DUSP10: variants seen among roughly 807,000 people sequenced by gnomAD.
DUSP10 encodes the protein dual specificity phosphatase 10.
In DUSP10, 14 loss-of-function variants were observed where a neutral mutation model predicts 30.8. The observed-to-expected ratio is 0.46, with a 90% confidence interval of 0.30 to 0.71. DUSP10 has a LOEUF of 0.71. Ranked by LOEUF, DUSP10 falls within the 30% of genes least tolerant of loss-of-function variation. DUSP10 has a pLI of 0.08. For missense variants in DUSP10, 550 were observed against 619.4 expected (o/e 0.89, Z 1.19); for synonymous variants, 254 against 250.4 (o/e 1.01, Z -0.14).
At chr1:221,730,934 A>G (rs569481416) in intron 2 of DUSP10, among the ~76,000 whole-genome samples, 2 of 152,292 alleles carry the variant, frequency 1.3e-5, no homozygotes, top group African/African-American at 4.8e-5. Context: ...TGGGTTATGG[A>G]TGAAAACATC....
intron 2 of DUSP10, among the ~76,000 whole-genome samples, chr1:221,712,777 CAAAAAAAAA>C (rs58249338): frequency 1.4e-4 from 8 of 56,926 alleles, no homozygotes; most frequent in East Asian, 5.0e-4. Context: ...TATAAAGCAG[CAAAAAAAAA>C]AAAAAAAAAA....
At position 221,718,448 on chromosome 1, in the gene DUSP10, G is replaced by A. The variant is rs574241415; in HGVS notation, c.812-11982C>T. On this transcript the variant is annotated intron_variant, in intron 2 of 3. Transcript: ENST00000366899. ...TTAATACTGGTTAATCCATCAAGACGGATTAAAGGAGGGGGAAAAATCCAT... is the reference window on the plus strand; with the variant it reads ...TTAATACTGGTTAATCCATCAAGACAGATTAAAGGAGGGGGAAAAATCCAT... Among the ~76,000 whole-genome samples the A allele has an allele frequency of 3.7e-3, 558 of 152,128 alleles. 1 individual carries two copies. The highest frequency in any genetic ancestry group is 0.013 in the African/African-American group (541 of 41,464).
At chr1:221,721,733 G>A (rs936188625) in intron 2 of DUSP10, among the ~76,000 whole-genome samples, 1 of 152,170 alleles carries the variant, frequency 6.6e-6, no homozygotes, top group African/African-American at 2.4e-5. Flanking sequence ...GAGATGCATG[G>A]AAGGTAGTCA....
chr1:221,712,936 T>C (rs1477074558), intron 2 of DUSP10, among the ~76,000 whole-genome samples: 1 of 152,222 alleles, frequency 6.6e-6, no homozygotes, highest in East Asian at 1.9e-4. Flanking sequence ...GTCGTAATGA[T>C]TCAATGATTT....
chr1:221,716,998 C>T (rs1661125092), intron 2 of DUSP10, among the ~76,000 whole-genome samples: 1 of 152,146 alleles, frequency 6.6e-6, no homozygotes, highest in South Asian at 2.1e-4. Context: ...CCTTCCCTGC[C>T]CCTCCCCACT....
chr1:221,737,398 A>C (rs1661809008), intron 2 of DUSP10: 2 of 985,446 alleles, frequency 2.0e-6, no homozygotes, highest in Middle Eastern at 5.2e-4. Context: ...AGACACATCA[A>C]GATTATGGTA....
chr1:221,705,111 G>GGTTTT (rs59522738), intron 3 of DUSP10, among the ~76,000 whole-genome samples: 1 of 142,000 alleles, frequency 7.0e-6, no homozygotes. Context: ...TATTTTGAGT[G>GGTTTT]TTTTTTTTTT....
At position 221,712,777 on chromosome 1, in the gene DUSP10, C is replaced by CAAAAAAAAAAA. The variant is rs58249338; in HGVS notation, c.812-6322_812-6312dup. Among the ~76,000 whole-genome samples, 26 of 56,922 alleles carry CAAAAAAAAAAA rather than the reference C, an allele frequency of 4.6e-4. 4 individuals are homozygous for CAAAAAAAAAAA. Among genetic ancestry groups the CAAAAAAAAAAA allele is most frequent in the African/African-American group, 1.5e-3 (19 of 12,614 alleles). 37.3% of individuals were successfully genotyped at this position (56,922 alleles called of 152,430 possible). A position where few individuals can be genotyped will look rare whatever the true frequency, so the allele number is the denominator to read the frequency against. ...AGACAGTGGATGATATATAAAGCAG[C>CAAAAAAAAAAA]AAAAAAAAAAAAAAAAAAAAAAAGA... is the stretch of plus-strand genomic sequence containing the variant. On this transcript the variant is annotated intron_variant, in intron 2 of 3. Coordinates refer to ENST00000366899, the MANE Select transcript of DUSP10 (RefSeq NM_007207.6).
In DUSP10 at chr1:221,724,297, G is replaced by A. The variant is rs550960376; in HGVS notation, c.811+14637C>T. ...ATACTGTTATTACCACATTGAGATC[G>A]GCAACATTTGATAGACATGGAATTC... On this transcript the variant is annotated intron_variant, in intron 2 of 3. Coordinates refer to ENST00000366899, the MANE Select transcript of DUSP10 (RefSeq NM_007207.6). 5.3e-5 allele frequency among the ~76,000 whole-genome samples: 8 copies of A among 152,170 alleles called. No individual in the cohort carries two copies. In the South Asian group the frequency reaches 6.2e-4, roughly 12 times the overall value.
intron 2 of DUSP10, among the ~76,000 whole-genome samples, chr1:221,731,844 T>A (rs990433017): frequency 8.6e-5 from 13 of 151,910 alleles, no homozygotes; most frequent in African/African-American, 3.1e-4. Flanking sequence ...CTTGACCTCA[T>A]GATCCATCTG....
At chr1:221,713,776 TA>T (rs1661014487) in intron 2 of DUSP10, among the ~76,000 whole-genome samples, 1 of 152,192 alleles carries the variant, frequency 6.6e-6, no homozygotes, top group Non-Finnish European at 1.5e-5. Flanking sequence ...AATCCCTTTG[TA>T]CACAGGAATT....
At chr1:221,726,260 T>C (rs1027459645) in intron 2 of DUSP10, among the ~76,000 whole-genome samples, 13 of 152,188 alleles carry the variant, frequency 8.5e-5, no homozygotes, top group Non-Finnish European at 1.8e-4. Flanking sequence ...GGGAGTGCAG[T>C]TGGGTGGGAA....
Position 221,739,568 on chromosome 1 carries a change from C to A in DUSP10, c.177G>T (p.Thr59=), listed in dbSNP as rs754587624. 49 of 1,614,048 alleles carry A rather than the reference C, an allele frequency of 3.0e-5. No homozygotes were observed. Among genetic ancestry groups the A allele is most frequent in the Middle Eastern group, 1.6e-4 (1 of 6,084 alleles). Residue 59 remains threonine (T), a synonymous_variant, in exon 2 of 4, where the codon ACG becomes ACT. Coordinates refer to ENST00000366899, the MANE Select transcript of DUSP10 (RefSeq NM_007207.6). The stretch of plus-strand genomic sequence containing the variant: ...CAGAGCCGCTGGATGAGGGCATATA[C>A]GTCAGATTCGCAGCCTTGAGGGACA... The part of the protein sequence containing the change: ...TVVSLKAANL[T]YMPSSSGSAR...
At chr1:221,737,486 C>G in intron 2 of DUSP10, 1 of 984,850 alleles carries the variant, frequency 1.0e-6, no homozygotes, top group Non-Finnish European at 1.2e-6. Context: ...AAATACAGAG[C>G]TATATGGAGG....
intron 2 of DUSP10, among the ~76,000 whole-genome samples, chr1:221,736,338 T>C (rs1388234793): frequency 6.6e-6 from 1 of 152,160 alleles, no homozygotes; most frequent in Non-Finnish European, 1.5e-5. Flanking sequence ...GAAAATAAAC[T>C]AACAAGCCTT....
chr1:221,730,060 T>C (rs1018512215), intron 2 of DUSP10, among the ~76,000 whole-genome samples: 2 of 152,190 alleles, frequency 1.3e-5, no homozygotes, highest in Non-Finnish European at 2.9e-5. Flanking sequence ...GTTATTCTTT[T>C]CTGTCCACTC....
chr1:221,718,123 G>A (rs1235925143), intron 2 of DUSP10, among the ~76,000 whole-genome samples: 14 of 147,722 alleles, frequency 9.5e-5, no homozygotes, highest in African/African-American at 2.7e-4. Context: ...GTGGGGGCGG[G>A]GGCTGCAGGG....
At chr1:221,712,800 A>AAAAAAAAAG (rs1660980239) in intron 2 of DUSP10, among the ~76,000 whole-genome samples, 1 of 150,588 alleles carries the variant, frequency 6.6e-6, no homozygotes, top group Non-Finnish European at 1.5e-5. Flanking sequence ...AAAAAAAAAA[A>AAAAAAAAAG]GAGCTTTGCC....
intron 2 of DUSP10, among the ~76,000 whole-genome samples, chr1:221,736,384 C>T (rs1282496577): frequency 6.6e-6 from 1 of 152,208 alleles, no homozygotes; most frequent in Non-Finnish European, 1.5e-5. Context: ...CTATGCCCCC[C>T]TCCCACCAAC....
Sources: gnomAD v4.1 joint callset for allele counts (sites outside exome capture counted in the v4.1 genomes callset) on GRCh38, gnomAD v4.1.1 for gene constraint, MANE v1.5 for transcripts, NCBI Gene and HGNC (gene_info 2026-07-23, HGNC 2026-07-21) for gene names.